Variants in PGF observed in about 807,000 individuals in gnomAD.
The protein encoded by PGF is placenta growth factor.
In PGF, 11 loss-of-function variants were observed where a neutral mutation model predicts 25.3. That is an observed-to-expected ratio of 0.43 (90% CI 0.27 to 0.72). The LOEUF is 0.72. Among genes scored for constraint, PGF ranks in the 30% least tolerant of loss-of-function variants. The probability of loss-of-function intolerance (pLI) is 0.18; values close to 1 mark genes in which losing one functional copy is unlikely to be tolerated. For synonymous variants in PGF, 105 were observed against 97.9 expected (o/e 1.07, Z -0.43); for missense variants, 230 against 234.9 (o/e 0.98, Z 0.14).
chr14:74,948,495 C>G lies in PGF; in HGVS notation c.392+12G>C, dbSNP rs1471843776. 13 of 1,570,542 alleles carry G rather than the reference C, an allele frequency of 8.3e-6. No individual in the cohort carries two copies. Among genetic ancestry groups the G allele is most frequent in the Non-Finnish European group, 1.1e-5 (13 of 1,144,652 alleles). ...GCCTTTCCTTGCTACCCACCCGACC[C>G]CGGAGACCTACCGGCATTCGCAGCG... On this transcript the variant is annotated intron_variant, in intron 4 of 6. Coordinates refer to ENST00000555567, the MANE Select transcript of PGF (RefSeq NM_002632.6).
Position 74,953,802 on chromosome 14 carries a change from G to C in PGF, c.118+102C>G. The C allele has an allele frequency of 8.4e-7, 1 of 1,194,934 alleles. No individual in the cohort carries two copies. Among genetic ancestry groups the C allele is most frequent in the East Asian group, 2.3e-5 (1 of 43,020 alleles). The allele number at this position is 1,194,934 out of a possible 1,614,324, so 74.0% of individuals were successfully genotyped here. On this transcript the variant is annotated intron_variant, in intron 2 of 6. Coordinates refer to ENST00000555567, the MANE Select transcript of PGF (RefSeq NM_002632.6). This position sits in a 1 kb window ranked among gnomAD's most constrained non-coding sequence, Gnocchi z 5.4. Reference sequence around the variant, plus strand: ...ATGTCTAGCTTGTAGGCTCTCCCCAGCTTTTATCAACCTGCACCCACGCTT... The same window carrying C: ...ATGTCTAGCTTGTAGGCTCTCCCCACCTTTTATCAACCTGCACCCACGCTT...
intron 2 of PGF, among the ~76,000 whole-genome samples, chr14:74,949,950 G>C (rs963418646): frequency 6.6e-5 from 10 of 152,138 alleles, no homozygotes; most frequent in Non-Finnish European, 1.2e-4. Context: ...CATGCAGGGA[G>C]GGTTGGCCTT....
At chr14:74,947,711 A>C (rs1888772535) in intron 4 of PGF, 1 of 152,278 alleles carries the variant, frequency 6.6e-6, no homozygotes, top group South Asian at 2.1e-4. Flanking sequence ...AATGAGAAAC[A>C]TTCAAGTGCC....
intron 3 of PGF, among the ~76,000 whole-genome samples, 180 bp downstream of exon 3, chr14:74,949,177 G>A (rs1888812872): frequency 6.6e-6 from 1 of 152,208 alleles, no homozygotes. Flanking sequence ...TGGTGGGGGT[G>A]GAGATGAGTG....
intron 6 of PGF, chr14:74,944,584 C>T (rs1888683738): frequency 6.6e-6 from 1 of 150,980 alleles, no homozygotes; most frequent in African/African-American, 2.4e-5. Flanking sequence ...CTTACTCTGT[C>T]ACCCAGGCTG....
rs1416586051 is a variant in PGF, at chr14:74,953,472, C to T, written c.118+432G>A. Among the ~76,000 whole-genome samples the T allele has an allele frequency of 6.6e-6, 1 of 152,186 alleles. No homozygotes were observed. Among genetic ancestry groups the T allele is most frequent in the African/African-American group, 2.4e-5 (1 of 41,428 alleles). On this transcript the variant is annotated intron_variant, in intron 2 of 6. Coordinates refer to ENST00000555567, the MANE Select transcript of PGF (RefSeq NM_002632.6). This position sits in a 1 kb window ranked among gnomAD's most constrained non-coding sequence, Gnocchi z 5.4. Reference sequence around the variant, plus strand: ...ATGGAAACGCATGGTCAGATCCCGGCAGTTCCACCAGGGCTGGGCTGCTGG... The same window carrying T: ...ATGGAAACGCATGGTCAGATCCCGGTAGTTCCACCAGGGCTGGGCTGCTGG...
chr14:74,942,700 G>A lies in PGF; in HGVS notation c.*6C>T, dbSNP rs189775342. The A allele has an allele frequency of 1.1e-4, 172 of 1,612,346 alleles. No individual in the cohort carries two copies. In the African/African-American group the frequency reaches 2.0e-3, roughly 19 times the overall value. ...GGTGCGGGGTCTCTCTCCTCCAAGG[G>A]GTGGGTTACCTCCGGGGAACAGCAT... On this transcript the variant is annotated 3_prime_UTR_variant, in exon 7 of 7. Transcript: ENST00000555567.
intron 2 of PGF, 38 bp from the exon 3 acceptor site, chr14:74,949,591 G>C (rs748847922): frequency 2.7e-6 from 4 of 1,455,586 alleles, no homozygotes; most frequent in South Asian, 1.4e-5. Flanking sequence ...GGCCAGCAGA[G>C]ACCTGCCCCT....
At chr14:74,942,843 T>A in intron 6 of PGF, 110 bp from the exon 7 acceptor site, 1 of 986,442 alleles carries the variant, frequency 1.0e-6, no homozygotes, top group Non-Finnish European at 1.5e-6. Flanking sequence ...GCAGGGAGCA[T>A]GGGGAGGGCG....
intron 3 of PGF, among the ~76,000 whole-genome samples, 165 bp from the exon 4 acceptor site, chr14:74,948,748 A>G (rs1193264658): frequency 2.6e-5 from 4 of 152,168 alleles, no homozygotes; most frequent in African/African-American, 9.7e-5. Flanking sequence ...TCTCAGCTGC[A>G]TGGGGATCTG....
rs534529654 is a variant in PGF at position 74,948,676 on chromosome 14, G to A, written c.316-93C>T. On this transcript the variant is annotated intron_variant, in intron 3 of 6. Coordinates refer to ENST00000555567, the MANE Select transcript of PGF (RefSeq NM_002632.6). Reference sequence around the variant, plus strand: ...CTCCTTGTAAGGAGAACCCGACTCTGTTTCCTGCTAGCCTGTGGACTACAG... The same window carrying A: ...CTCCTTGTAAGGAGAACCCGACTCTATTTCCTGCTAGCCTGTGGACTACAG... 9.2e-6 allele frequency: 7 copies of A among 757,908 alleles called. No homozygotes were observed. In the African/African-American group the frequency reaches 1.0e-4, roughly 11 times the overall value. The allele number at this position is 757,908 out of a possible 1,614,324, so 46.9% of individuals were successfully genotyped here. A position where few individuals can be genotyped will look rare whatever the true frequency, so the allele number is the denominator to read the frequency against.
At chr14:74,946,942 G>A in intron 4 of PGF, 1 of 713,804 alleles carries the variant, frequency 1.4e-6, no homozygotes, top group Middle Eastern at 2.4e-4. Context: ...GCCTCCCAGG[G>A]CTGTGGCTGT....
chr14:74,948,634 C>G (rs765114896), intron 3 of PGF, 51 bp from the exon 4 acceptor site: 3 of 1,201,584 alleles, frequency 2.5e-6, no homozygotes, highest in Admixed American at 3.7e-5. Context: ...CCACGAGTTT[C>G]CGGCACTCTT....
intron 6 of PGF, 28 bp from the exon 7 acceptor site, chr14:74,942,761 G>A (rs181359926): frequency 6.3e-5 from 101 of 1,604,142 alleles, no homozygotes; most frequent in African/African-American, 5.8e-4. Context: ...CAGACGGGGC[G>A]GGTATCAGCA....
chr14:74,948,613 T>C, intron 3 of PGF, 30 bp from the exon 4 acceptor site: 2 of 1,489,542 alleles, frequency 1.3e-6, no homozygotes, highest in Non-Finnish European at 1.9e-6. Context: ...ATGCCTGGAT[T>C]GGGGAGTGGC....
rs568120617 is a variant in PGF, at chr14:74,943,376, G to A, written c.486-643C>T. Among the ~76,000 whole-genome samples the A allele has an allele frequency of 8.8e-4, 134 of 152,352 alleles. 1 individual carries two copies. The highest frequency in any genetic ancestry group is 1.4e-3 in the Non-Finnish European group (92 of 68,034). ...AAAAAGAACAATTTGAGATATTGAT[G>A]TAGGTCTTGAGAAAGAAAATATGGC... On this transcript the variant is annotated intron_variant, in intron 6 of 6. Transcript: ENST00000555567.
chr14:74,949,897 C>T (rs1888834709), intron 2 of PGF, among the ~76,000 whole-genome samples: 2 of 152,204 alleles, frequency 1.3e-5, no homozygotes, highest in Admixed American at 6.5e-5. Context: ...CCCGGTGCTT[C>T]CTCCAACTTG....
At chr14:74,946,884 G>A (rs1467194683) in intron 4 of PGF, 2 of 760,132 alleles carry the variant, frequency 2.6e-6, no homozygotes, top group East Asian at 2.4e-5. Flanking sequence ...CGGGGTGGGA[G>A]GAAGGAGGGA....
chr14:74,955,516 C>A lies in PGF; in HGVS notation c.-274G>T, dbSNP rs1303119978. The A allele has an allele frequency of 5.6e-6, 2 of 358,418 alleles. No homozygotes were observed. The highest frequency in any genetic ancestry group is 4.2e-5 in the African/African-American group (2 of 47,646). 22.2% of individuals were successfully genotyped at this position (358,418 alleles called of 1,614,324 possible). A position where few individuals can be genotyped will look rare whatever the true frequency, so the allele number is the denominator to read the frequency against. The stretch of plus-strand genomic sequence containing the variant: ...CGGGTCCCGGGGATGGTCCGTCGGG[C>A]GCCCAGTGCCACTCCAGGTCCTCCC... On this transcript the variant is annotated 5_prime_UTR_variant, in exon 1 of 7. Coordinates refer to ENST00000555567, the MANE Select transcript of PGF (RefSeq NM_002632.6). The surrounding 1 kb of genome is among the most constrained non-coding windows in gnomAD (Gnocchi z 4.1).
Sources: gnomAD v4.1 joint callset for allele counts (sites outside exome capture counted in the v4.1 genomes callset) on GRCh38, gnomAD v4.1.1 for gene constraint, Gnocchi (gnomAD v3.1) non-coding constraint, MANE v1.5 for transcripts, NCBI Gene and HGNC (gene_info 2026-07-23, HGNC 2026-07-21) for gene names.